The following PPEF2 variants were observed in gnomAD, a reference collection of about 807,000 sequenced individuals.
PPEF2 encodes serine/threonine-protein phosphatase with EF-hands 2.
A neutral mutation model predicts 84.7 loss-of-function variants in PPEF2; 84 were observed. The ratio of observed to expected loss-of-function variants is 0.99; its 90% CI spans 0.83 to 1.19. PPEF2 has a LOEUF of 1.19. PPEF2 is among the 50% of genes most tolerant of loss of function. The pLI, the probability that PPEF2 is intolerant of heterozygous loss-of-function variation, is 0.00. For synonymous variants in PPEF2, 346 were observed against 345.2 expected (o/e 1.00, Z -0.03); for missense variants, 924 against 937.5 (o/e 0.99, Z 0.19).
intron 2 of PPEF2, 44 bp from the exon 3 acceptor site, chr4:75,892,022 T>C (rs1321560201): frequency 6.2e-7 from 1 of 1,602,646 alleles, no homozygotes; most frequent in East Asian, 2.2e-5. Context: ...TCGGACTCCC[T>C]GGGCCAGGGG....
chr4:75,901,286 C>T (rs1271340580), intron 1 of PPEF2, among the ~76,000 whole-genome samples: 1 of 152,074 alleles, frequency 6.6e-6, no homozygotes, highest in African/African-American at 2.4e-5. Context: ...GAGGCTGAGG[C>T]GGTTGGATCC....
intron 2 of PPEF2, among the ~76,000 whole-genome samples, chr4:75,894,739 C>T (rs1056072160): frequency 9.2e-5 from 14 of 152,162 alleles, no homozygotes; most frequent in African/African-American, 3.4e-4. Context: ...AGTTTCTGTA[C>T]CTTGCGTGAT....
At chr4:75,878,117 T>C (rs1244111258) in intron 10 of PPEF2, among the ~76,000 whole-genome samples, 2 of 152,242 alleles carry the variant, frequency 1.3e-5, no homozygotes, top group East Asian at 3.8e-4. Context: ...ACCCATTATC[T>C]TACCTGTTGG....
At chr4:75,893,858 T>TCTCCCTCTTTTTTTCTTC (rs1560488665) in intron 2 of PPEF2, among the ~76,000 whole-genome samples, 1 of 79,588 alleles carries the variant, frequency 1.3e-5, no homozygotes, top group African/African-American at 3.6e-5. Flanking sequence ...CACCTTTCAT[T>TCTCCCTCTTTTTTTCTTC]CTCCCTCTTT....
chr4:75,894,627 G>A (rs554650282), intron 2 of PPEF2, among the ~76,000 whole-genome samples: 2 of 152,202 alleles, frequency 1.3e-5, no homozygotes, highest in South Asian at 2.1e-4. Context: ...TGTCTCAGGA[G>A]CTGGGGTTTA....
At chr4:75,884,477 T>A (rs1724669109) in intron 8 of PPEF2, 117 bp downstream of exon 8, 5 of 1,286,744 alleles carry the variant, frequency 3.9e-6, no homozygotes, top group South Asian at 1.5e-5. Context: ...TTCTGCTTTT[T>A]AAAAAAATTG....
In PPEF2 at chr4:75,890,031, T is replaced by C; in HGVS notation, c.343A>G (p.Thr115Ala). ...AGTGGGAAGGAGAGGCGTGGCCCCG[T>C]GTAACTGTCGGGTACCTCTATGGAT... ...YESIEVPDSY[T>A]GPRLSFPLLP... Residue 115 changes from threonine (T) to alanine (A), a missense_variant, in exon 5 of 17, where the codon ACG (threonine) becomes GCG (alanine). By Grantham distance (58) the Thr-to-Ala change is moderately conservative. Transcript: ENST00000286719. 2 of 1,614,134 alleles carry C rather than the reference T, an allele frequency of 1.2e-6. No homozygotes were observed. Among genetic ancestry groups the C allele is most frequent in the South Asian group, 2.2e-5 (2 of 91,074 alleles).
intron 8 of PPEF2, 140 bp downstream of exon 8, chr4:75,884,454 T>C: frequency 6.7e-6 from 7 of 1,037,108 alleles, no homozygotes; most frequent in Non-Finnish European, 8.2e-6. Flanking sequence ...TTTTGAATGT[T>C]ATATACTGTG....
chr4:75,889,529 T>A (rs928789262), intron 5 of PPEF2, among the ~76,000 whole-genome samples: 2 of 152,210 alleles, frequency 1.3e-5, no homozygotes, highest in Admixed American at 1.3e-4. Context: ...ATAACTTAGT[T>A]TATTCTTTTC....
intron 11 of PPEF2, among the ~76,000 whole-genome samples, chr4:75,874,624 T>A (rs1332726721): frequency 6.6e-6 from 1 of 152,134 alleles, no homozygotes; most frequent in Non-Finnish European, 1.5e-5. Context: ...CTAAAAGTAC[T>A]TTTGTAAAAG....
chr4:75,893,433 G>T (rs529843104), intron 2 of PPEF2, among the ~76,000 whole-genome samples: 4 of 152,120 alleles, frequency 2.6e-5, no homozygotes, highest in Non-Finnish European at 4.4e-5. Context: ...GGGAGGCAGA[G>T]GTTGCAGTGA....
At chr4:75,897,095 C>T (rs369879664) in intron 1 of PPEF2, among the ~76,000 whole-genome samples, 80 of 152,146 alleles carry the variant, frequency 5.3e-4, no homozygotes, top group South Asian at 4.4e-3. Flanking sequence ...CCTTGTGATC[C>T]GCTTGCCTCG....
At chr4:75,898,712 A>G (rs1268472809) in intron 1 of PPEF2, among the ~76,000 whole-genome samples, 1 of 152,188 alleles carries the variant, frequency 6.6e-6, no homozygotes, top group African/African-American at 2.4e-5. Flanking sequence ...AATAAACTTT[A>G]TGCCTTATTT....
At chr4:75,867,600 G>A (rs1371728057) in intron 13 of PPEF2, among the ~76,000 whole-genome samples, 181 bp from the exon 14 acceptor site, 3 of 152,190 alleles carry the variant, frequency 2.0e-5, no homozygotes, top group Non-Finnish European at 2.9e-5. Flanking sequence ...GGGGAATGCC[G>A]CTGTCCTTCC....
At chr4:75,864,574 G>T (rs1578000140) in intron 15 of PPEF2, 47 bp from the exon 16 acceptor site, 3 of 1,385,646 alleles carry the variant, frequency 2.2e-6, no homozygotes, top group Non-Finnish European at 3.1e-6. Flanking sequence ...GTTTAGACTT[G>T]TTCCAATATA....
rs1276471534 is a variant in PPEF2 at position 75,876,354 on chromosome 4, C to T, written c.1253G>A (p.Arg418His). Residue 418 changes from arginine to histidine, a missense_variant, in exon 11 of 17, where the codon CGC becomes CAC. Transcript: ENST00000286719. ...TTCAGAGTCTGCTTCTGAGGCTGAG[C>T]GGGAGGGCTCCTCTTTCTCTCCGGT... ...LVTGEKEEPS[R>H]SASEADSEAG... 19 of 1,613,936 alleles carry T rather than the reference C, an allele frequency of 1.2e-5. No homozygotes were observed. Among genetic ancestry groups the T allele is most frequent in the Non-Finnish European group, 1.4e-5 (16 of 1,179,980 alleles).
intron 2 of PPEF2, among the ~76,000 whole-genome samples, chr4:75,894,295 C>A (rs946018662): frequency 1.3e-5 from 2 of 152,052 alleles, no homozygotes; most frequent in African/African-American, 2.4e-5. Context: ...GGAAGAAGTA[C>A]CTTTCTGTAA....
Position 75,872,120 on chromosome 4 carries a change from G to C in PPEF2, c.1554C>G (p.Asn518Lys). ...SASNYYEVGSNRGAYVKLGPA... is the reference protein window; with the variant it reads ...SASNYYEVGSKRGAYVKLGPA... ...GCCCCAGTTTGACATAGGCCCCTCTGTTGCTGCCAACTTCATAGTAGTTGG... is the reference window on the plus strand; with the variant it reads ...GCCCCAGTTTGACATAGGCCCCTCTCTTGCTGCCAACTTCATAGTAGTTGG... Residue 518 changes from asparagine to lysine, a missense_variant, in exon 13 of 17, where the codon AAC becomes AAG. By Grantham distance (94) the Asn-to-Lys change is moderately conservative. Transcript: ENST00000286719. The C allele has an allele frequency of 6.2e-7, 1 of 1,613,864 alleles. No homozygotes were observed.
chr4:75,866,683 T>G (rs1488343265), intron 14 of PPEF2, among the ~76,000 whole-genome samples: 2 of 152,220 alleles, frequency 1.3e-5, no homozygotes, highest in Non-Finnish European at 2.9e-5. Flanking sequence ...CTGGCAATAC[T>G]TCTGCAAGCC....
Sources: allele counts gnomAD v4.1 joint callset (sites outside exome capture counted in the v4.1 genomes callset), GRCh38; gene constraint gnomAD v4.1.1; transcripts MANE v1.5; gene names NCBI Gene and HGNC (gene_info 2026-07-23, HGNC 2026-07-21).